Variants in TET2 observed in about 807,000 individuals in gnomAD.
TET2 encodes tet methylcytosine dioxygenase 2, also known as methylcytosine dioxygenase TET2.
In TET2, 299 loss-of-function variants were observed where a neutral mutation model predicts 142.9. That is an observed-to-expected ratio of 2.09 (90% confidence interval 1.90 to 2.30). The LOEUF (loss-of-function observed/expected upper bound fraction) is 2.30, where lower values mean the gene tolerates loss of function less well. TET2 is among the 30% of genes most tolerant of loss of function. The pLI, the probability that TET2 is intolerant of heterozygous loss-of-function variation, is 0.00. For missense variants in TET2, 2,418 were observed against 2,378.0 expected, an observed-to-expected ratio of 1.02 and a Z score of -0.35; for synonymous variants, 819 against 849.0, an observed-to-expected ratio of 0.96 and a Z score of 0.61.
chr4:105,259,540 A>C (rs1382899030), intron 6 of TET2, 79 bp from the exon 7 acceptor site: 4 of 1,371,858 alleles, frequency 2.9e-6, no homozygotes, highest in East Asian at 5.1e-5. Flanking sequence ...CTCATTTTGC[A>C]TATAGACACC....
chr4:105,159,274 C>G (rs115905992), intron 1 of TET2, among the ~76,000 whole-genome samples: 3,313 of 134,012 alleles, frequency 0.025, 49 homozygotes, highest in Non-Finnish European at 0.038. Flanking sequence ...TTTTTTGAGA[C>G]GGAGTTTCGC....
chr4:105,165,451 A>G (rs1724103254), intron 1 of TET2, among the ~76,000 whole-genome samples: 1 of 152,222 alleles, frequency 6.6e-6, no homozygotes, highest in African/African-American at 2.4e-5. Flanking sequence ...AATTCCTTAC[A>G]TGGCAGTGTC....
At chr4:105,152,902 T>C (rs1017313565) in intron 1 of TET2, among the ~76,000 whole-genome samples, 7 of 152,212 alleles carry the variant, frequency 4.6e-5, no homozygotes, top group African/African-American at 1.7e-4. Context: ...TGGTCTAATC[T>C]ATTTTCAATG....
intron 2 of TET2, among the ~76,000 whole-genome samples, chr4:105,210,988 A>C (rs1360415703): frequency 1.3e-5 from 2 of 152,280 alleles, no homozygotes; most frequent in East Asian, 3.9e-4. Context: ...TTTAAATAAT[A>C]ATCTTAACAC....
intron 2 of TET2, among the ~76,000 whole-genome samples, chr4:105,211,883 T>C (rs376808283): frequency 2.0e-5 from 3 of 152,168 alleles, no homozygotes; most frequent in Non-Finnish European, 4.4e-5. Flanking sequence ...TCCATCAGGA[T>C]CACACAGTAA....
intron 2 of TET2, 73 bp from the exon 3 acceptor site, chr4:105,233,822 ATT>A (rs1249406071): frequency 6.9e-6 from 5 of 720,018 alleles, no homozygotes; most frequent in Non-Finnish European, 1.1e-5. Flanking sequence ...CTTAAGATAT[ATT>A]AGTATTTTTA....
At position 105,185,579 on chromosome 4, in the gene TET2, G is replaced by C. The variant is rs1725382171; in HGVS notation, c.-192-4781G>C. Among the ~76,000 whole-genome samples the C allele has an allele frequency of 2.0e-5, 3 of 152,114 alleles. No individual in the cohort carries two copies. The South Asian group carries it at 6.2e-4, about 32-fold the overall frequency. Reference sequence around the variant, plus strand: ...GCGGATCACGAGGTCAGGAGATCGAGACCATCCTGGCTAACACGGTGAAAT... The same window carrying C: ...GCGGATCACGAGGTCAGGAGATCGACACCATCCTGGCTAACACGGTGAAAT... On this transcript the variant is annotated intron_variant, in intron 1 of 10. Coordinates refer to ENST00000380013, the MANE Select transcript of TET2 (RefSeq NM_001127208.3).
intron 1 of TET2, among the ~76,000 whole-genome samples, chr4:105,168,793 C>T (rs1247101538): frequency 2.0e-5 from 3 of 152,120 alleles, no homozygotes; most frequent in Non-Finnish European, 4.4e-5. Context: ...TATGCCTTTG[C>T]ATCCTCATAG....
chr4:105,158,812 A>G (rs149360705), intron 1 of TET2, among the ~76,000 whole-genome samples: 8 of 139,382 alleles, frequency 5.7e-5, no homozygotes, highest in East Asian at 2.0e-4. Context: ...TCTTTTTTGG[A>G]AAAAAAAAAA....
chr4:105,230,224 A>C (rs1192686050), intron 2 of TET2, among the ~76,000 whole-genome samples: 1 of 152,078 alleles, frequency 6.6e-6, no homozygotes, highest in East Asian at 1.9e-4. Flanking sequence ...GTATCTTTTT[A>C]GGAGAGACGG....
intron 8 of TET2, among the ~76,000 whole-genome samples, chr4:105,266,701 A>G (rs1730695148): frequency 6.6e-6 from 1 of 152,030 alleles, no homozygotes; most frequent in East Asian, 1.9e-4. Context: ...AGTAATAGAA[A>G]TTTTTCAGTA....
intron 2 of TET2, among the ~76,000 whole-genome samples, chr4:105,196,643 GAACTTCCCTTTTCTCTT>G (rs1726111905): frequency 6.6e-6 from 1 of 152,082 alleles, no homozygotes; most frequent in Admixed American, 6.6e-5. Context: ...CTCTCCTGAT[GAACTTCCCTTTTCTCTT>G]AACTACACAG....
chr4:105,235,288 T>C lies in TET2; in HGVS notation c.1346T>C (p.Val449Ala), dbSNP rs753698541. 9 of 1,614,008 alleles carry C rather than the reference T, an allele frequency of 5.6e-6. No individual in the cohort carries two copies. The highest frequency in any genetic ancestry group is 1.7e-6 in the Non-Finnish European group (2 of 1,179,976). The change falls in exon 3 of 11, where the codon GTG (valine) becomes GCG (alanine). Residue 449 changes from valine to alanine, a missense_variant. Physicochemically the swap from Val to Ala is moderately conservative, Grantham distance 64. Transcript: ENST00000380013. ...NQSNTTLLRE[V>A]KIEGKPEAPP... ...AGTAACACAACACTTTTAAGGGAAG[T>C]GAAAATAGAGGGTAAACCTGAGGCA...
At chr4:105,197,062 C>T (rs953907881) in intron 2 of TET2, among the ~76,000 whole-genome samples, 26 of 152,220 alleles carry the variant, frequency 1.7e-4, no homozygotes, top group East Asian at 7.7e-4. Context: ...TACATTATAT[C>T]GGAGCTTGAA....
Position 105,186,302 on chromosome 4 carries a change from C to T in TET2, c.-192-4058C>T, listed in dbSNP as rs116854260. On this transcript the variant is annotated intron_variant, in intron 1 of 10. Transcript: ENST00000380013. ...AATGAGAACATTTAAATGTGCTCAT[C>T]GGCTTAGATTTTTCTTTAACCCCCT... Among the ~76,000 whole-genome samples, 31 of 152,144 alleles carry T rather than the reference C, an allele frequency of 2.0e-4. 1 individual carries two copies. In the South Asian group the frequency reaches 5.4e-3, roughly 27 times the overall value.
intron 6 of TET2, among the ~76,000 whole-genome samples, chr4:105,247,739 T>TGA (rs1729654897): frequency 1.7e-5 from 2 of 117,850 alleles, no homozygotes; most frequent in African/African-American, 6.3e-5. Flanking sequence ...TTTTTTTTTT[T>TGA]GAGACAGGCT....
At chr4:105,189,459 G>A (rs1238370143) in intron 1 of TET2, among the ~76,000 whole-genome samples, 1 of 152,128 alleles carries the variant, frequency 6.6e-6, no homozygotes, top group Middle Eastern at 3.4e-3. Flanking sequence ...AAGTCTTCTT[G>A]TGCTCCTTTG....
chr4:105,226,019 T>G (rs540180764), intron 2 of TET2, among the ~76,000 whole-genome samples: 24 of 152,258 alleles, frequency 1.6e-4, no homozygotes, highest in African/African-American at 5.3e-4. Context: ...GCAAAAGACA[T>G]GCAAAATGCC....
At chr4:105,181,151 C>T (rs1426026130) in intron 1 of TET2, among the ~76,000 whole-genome samples, 2 of 152,156 alleles carry the variant, frequency 1.3e-5, no homozygotes, top group Non-Finnish European at 2.9e-5. Context: ...AAAGTTTCTA[C>T]TATGCAGTCT....
Sources: allele counts gnomAD v4.1 joint callset (sites outside exome capture counted in the v4.1 genomes callset), GRCh38; gene constraint gnomAD v4.1.1; transcripts MANE v1.5; gene names NCBI Gene and HGNC (gene_info 2026-07-23, HGNC 2026-07-21).